HSP90B1: variants seen among roughly 807,000 people sequenced by gnomAD.
HSP90B1 encodes endoplasmin.
HSP90B1 carries 27 observed loss-of-function variants against 100.4 expected under a neutral mutation model. The ratio of observed to expected loss-of-function variants is 0.27; its 90% CI spans 0.20 to 0.37. The LOEUF is 0.37. Ranked by LOEUF, HSP90B1 falls within the 10% of genes least tolerant of loss-of-function variation. HSP90B1 has a pLI of 1.00. For synonymous variants in HSP90B1, 304 were observed against 330.8 expected (o/e 0.92, Z 0.88); for missense variants, 678 against 960.5 (o/e 0.71, Z 3.89).
At chr12:103,936,285 G>A (rs1475918393) in intron 5 of HSP90B1, among the ~76,000 whole-genome samples, 1 of 152,186 alleles carries the variant, frequency 6.6e-6, no homozygotes, top group African/African-American at 2.4e-5. Context: ...TAGCTTGTGA[G>A]CTATATGGTC....
chr12:103,933,515 A>G (rs555021554), intron 4 of HSP90B1, among the ~76,000 whole-genome samples: 1 of 152,384 alleles, frequency 6.6e-6, no homozygotes, highest in Admixed American at 6.5e-5. Context: ...CCATTCTTAA[A>G]TGGAAAGTAG....
At chr12:103,940,983 C>T (rs12318096) in intron 8 of HSP90B1, among the ~76,000 whole-genome samples, 6,506 of 152,190 alleles carry the variant, frequency 0.043, 247 homozygotes, top group South Asian at 0.095. Flanking sequence ...TGTAGCCACT[C>T]TTAGAGCTAA....
At chr12:103,938,285 CA>C in intron 6 of HSP90B1, 54 bp from the exon 7 acceptor site, 2 of 1,468,510 alleles carry the variant, frequency 1.4e-6, no homozygotes, top group Non-Finnish European at 1.8e-6. Flanking sequence ...ATTCTGTAGA[CA>C]AAATCAGAAT....
chr12:103,941,918 A>G, intron 11 of HSP90B1, 21 bp downstream of exon 11: 1 of 1,598,144 alleles, frequency 6.3e-7, no homozygotes, highest in Non-Finnish European at 8.6e-7. Context: ...CTGGGAAGAA[A>G]CTCTCCACTT....
chr12:103,938,609 G>A, intron 7 of HSP90B1, 150 bp downstream of exon 7: 2 of 792,196 alleles, frequency 2.5e-6, no homozygotes, highest in Non-Finnish European at 4.0e-6. Context: ...GCCTTTGTTT[G>A]TATGTTGAAT....
chr12:103,940,093 A>C (rs572361360), intron 8 of HSP90B1, among the ~76,000 whole-genome samples: 139 of 152,286 alleles, frequency 9.1e-4, no homozygotes, highest in African/African-American at 3.1e-3. Context: ...TTTTTTAAAA[A>C]AATTATTTTG....
Position 103,943,668 on chromosome 12 carries a change from G to A in HSP90B1, c.1891-70G>A. 6.9e-7 allele frequency: 1 copy of A among 1,444,982 alleles called. No individual in the cohort carries two copies. Among genetic ancestry groups the A allele is most frequent in the Non-Finnish European group, 9.5e-7 (1 of 1,053,000 alleles). The allele number at this position is 1,444,982 out of a possible 1,614,324, so 89.5% of individuals were successfully genotyped here. A position where few individuals can be genotyped will look rare whatever the true frequency, so the allele number is the denominator to read the frequency against. ...ATCTTAAGTGATAAAGTCTTAGACA[G>A]TTGAAAGACAATTGCTCAATGACCT... On this transcript the variant is annotated intron_variant, in intron 13 of 17. Coordinates refer to ENST00000299767, the MANE Select transcript of HSP90B1 (RefSeq NM_003299.3). This position sits in a 1 kb window ranked among gnomAD's most constrained non-coding sequence, Gnocchi z 5.3.
At chr12:103,931,151 C>T (rs533290854) in intron 1 of HSP90B1, among the ~76,000 whole-genome samples, 1 of 152,304 alleles carries the variant, frequency 6.6e-6, no homozygotes, top group South Asian at 2.1e-4. Flanking sequence ...GCATTCTGAC[C>T]TGTGCTAACG....
At chr12:103,946,449 A>G (rs74943754) in intron 14 of HSP90B1, among the ~76,000 whole-genome samples, 169 bp from the exon 15 acceptor site, 2 of 89,460 alleles carry the variant, frequency 2.2e-5, no homozygotes, top group Non-Finnish European at 2.3e-5. Flanking sequence ...TATTTATTGG[A>G]AAAAAAATAG....
At chr12:103,942,127 G>A (rs182858860) in intron 11 of HSP90B1, among the ~76,000 whole-genome samples, 75 of 152,204 alleles carry the variant, frequency 4.9e-4, no homozygotes, top group African/African-American at 1.7e-3. Flanking sequence ...ACAGGTCCAG[G>A]ATTAACATTT....
chr12:103,944,619 C>T (rs1176595509), intron 14 of HSP90B1, among the ~76,000 whole-genome samples: 1 of 151,448 alleles, frequency 6.6e-6, no homozygotes, highest in Non-Finnish European at 1.5e-5. Context: ...TACAGTGGCG[C>T]AATCTCTGCT....
rs148863192 is a variant in HSP90B1, at chr12:103,941,816, C to G, written c.1309-16C>G. 1 of 1,613,252 alleles carries G rather than the reference C, an allele frequency of 6.2e-7. No homozygotes were observed. The highest frequency in any genetic ancestry group is 8.5e-7 in the Non-Finnish European group (1 of 1,179,238). ...GTGGTTTTATTGCTCACTGAACTTT[C>G]TTTTGCCATCTGAAGGTGGACTCAG... is the stretch of plus-strand genomic sequence containing the variant. On this transcript the variant is annotated splice_polypyrimidine_tract_variant and intron_variant, in intron 10 of 17. Coordinates refer to ENST00000299767, the MANE Select transcript of HSP90B1 (RefSeq NM_003299.3).
At position 103,946,792 on chromosome 12, in the gene HSP90B1, G is replaced by A. The variant is rs200307600; in HGVS notation, c.2113G>A (p.Glu705Lys). 1 of 1,613,978 alleles carries A rather than the reference G, an allele frequency of 6.2e-7. No individual in the cohort carries two copies. The highest frequency in any genetic ancestry group is 1.7e-5 in the Admixed American group (1 of 59,976). Reference protein sequence around the residue: ...RDMLRRIKEDEDDKTVLDLAV... With the variant: ...RDMLRRIKEDKDDKTVLDLAV... Reference sequence around the variant, plus strand: ...GCATCTTCTTGCATTTCAGGAAGATGAAGATGATAAAACAGTTTTGGATCT... The same window carrying A: ...GCATCTTCTTGCATTTCAGGAAGATAAAGATGATAAAACAGTTTTGGATCT... The change falls in exon 16 of 18, where the codon GAA becomes AAA. Residue 705 changes from glutamate (E) to lysine (K), a missense_variant. Physicochemically the swap from Glu to Lys is moderately conservative, Grantham distance 56 (BLOSUM62 1). Coordinates refer to ENST00000299767, the MANE Select transcript of HSP90B1 (RefSeq NM_003299.3).
In HSP90B1 at chr12:103,939,636, ATAATT is replaced by A; in HGVS notation, c.1092+12_1092+16del. 8.1e-7 allele frequency: 1 copy of A among 1,232,150 alleles called. No individual in the cohort carries two copies. Among genetic ancestry groups the A allele is most frequent in the Non-Finnish European group, 1.1e-6 (1 of 871,868 alleles). 76.3% of individuals were successfully genotyped at this position (1,232,150 alleles called of 1,614,324 possible). A position where few individuals can be genotyped will look rare whatever the true frequency, so the allele number is the denominator to read the frequency against. On this transcript the variant is annotated intron_variant, in intron 8 of 17. Coordinates refer to ENST00000299767, the MANE Select transcript of HSP90B1 (RefSeq NM_003299.3). The stretch of plus-strand genomic sequence containing the variant: ...AAATCATTTTCAAAGGTAAATATTT[ATAATT>A]CCCTAGTTTCTGGTTATTAATGAAT...
At position 103,943,139 on chromosome 12, in the gene HSP90B1, A is replaced by G. The variant is rs746144030; in HGVS notation, c.1710A>G (p.Glu570=). 2 of 1,614,124 alleles carry G rather than the reference A, an allele frequency of 1.2e-6. No homozygotes were observed. Among genetic ancestry groups the G allele is most frequent in the South Asian group, 2.2e-5 (2 of 91,084 alleles). ...GCTATGAAGTTATTTACCTCACAGA[A>G]CCTGTGGATGAATACTGTATTCAGG... ...KKGYEVIYLT[E]PVDEYCIQAL... Residue 570 remains glutamate (E), a synonymous_variant, in exon 13 of 18, where the codon GAA becomes GAG. Coordinates refer to ENST00000299767, the MANE Select transcript of HSP90B1 (RefSeq NM_003299.3). The surrounding 1 kb of genome is among the most constrained non-coding windows in gnomAD (Gnocchi z 5.3).
At position 103,942,748 on chromosome 12, in the gene HSP90B1, G is replaced by A. The variant is rs55793710; in HGVS notation, c.1596G>A (p.Lys532=). 2 of 1,613,824 alleles carry A rather than the reference G, an allele frequency of 1.2e-6. No homozygotes were observed. The highest frequency in any genetic ancestry group is 2.2e-5 in the South Asian group (2 of 91,064). The part of the protein sequence containing the change: ...TSLDQYVERM[K]EKQDKIYFMA... ...TAGACCAGTATGTGGAAAGAATGAA[G>A]GAAAAACAAGACAAAATCTACTTCA... Residue 532 remains lysine, a synonymous_variant, in exon 12 of 18, where the codon AAG becomes AAA. Coordinates refer to ENST00000299767, the MANE Select transcript of HSP90B1 (RefSeq NM_003299.3).
chr12:103,946,302 C>A (rs10861148), intron 14 of HSP90B1, among the ~76,000 whole-genome samples: 26,679 of 152,088 alleles, frequency 0.18, 3,106 homozygotes, highest in African/African-American at 0.33. Context: ...CACAAATATT[C>A]TAGTCCCCCA....
At chr12:103,931,839 G>C (rs1052128231) in intron 2 of HSP90B1, 20 of 587,500 alleles carry the variant, frequency 3.4e-5, no homozygotes, top group African/African-American at 3.1e-4. Flanking sequence ...CAGAATACTA[G>C]CACCATAAAC....
At position 103,947,313 on chromosome 12, in the gene HSP90B1, G is replaced by A; in HGVS notation, c.2265G>A (p.Val755=). The A allele has an allele frequency of 6.3e-7, 1 of 1,594,316 alleles. No homozygotes were observed. The highest frequency in any genetic ancestry group is 8.5e-7 in the Non-Finnish European group (1 of 1,173,430). Residue 755 remains valine, a splice_region_variant and synonymous_variant, in exon 17 of 18, where the codon GTG becomes GTA. Coordinates refer to ENST00000299767, the MANE Select transcript of HSP90B1 (RefSeq NM_003299.3). ...GGGCCCATAAATGTTGTGTTTAGGTGGAAGAAGAGCCCGAAGAAGAACCTG... is the reference window on the plus strand; with the variant it reads ...GGGCCCATAAATGTTGTGTTTAGGTAGAAGAAGAGCCCGAAGAAGAACCTG... ...LSLNIDPDAK[V]EEEPEEEPEE...
Sources: gnomAD v4.1 joint callset for allele counts (sites outside exome capture counted in the v4.1 genomes callset) on GRCh38, gnomAD v4.1.1 for gene constraint, Gnocchi (gnomAD v3.1) non-coding constraint, MANE v1.5 for transcripts, NCBI Gene and HGNC (gene_info 2026-07-23, HGNC 2026-07-21) for gene names.